Variants in MID2 observed in about 807,000 individuals in gnomAD.
MID2 encodes the protein midline 2.
MID2 carries 13 observed loss-of-function variants against 46.1 expected under a neutral mutation model. The ratio of observed to expected loss-of-function variants is 0.28; its 90% CI spans 0.18 to 0.45. MID2 has a LOEUF of 0.45. MID2 is among the 20% of genes least tolerant of loss of function. The pLI is 1.00. For synonymous variants in MID2, 199 were observed against 212.3 expected, an observed-to-expected ratio of 0.94 and a Z score of 0.55; for missense variants, 431 against 575.4, an observed-to-expected ratio of 0.75 and a Z score of 2.57.
intron 3 of MID2, among the ~76,000 whole-genome samples, chrX:107,856,523 A>G (rs1931740492): frequency 8.9e-6 from 1 of 112,189 alleles, no homozygotes; most frequent in South Asian, 3.8e-4. Flanking sequence ...CATTCACTTT[A>G]GGACCTCTCT....
chrX:107,876,797 CT>C (rs1932211096), intron 3 of MID2, among the ~76,000 whole-genome samples: 1 of 112,162 alleles, frequency 8.9e-6, no homozygotes, highest in Non-Finnish European at 1.9e-5. Flanking sequence ...CTCTATACAA[CT>C]GTCAGGGTCA....
At chrX:107,857,903 A>G (rs968968909) in intron 3 of MID2, among the ~76,000 whole-genome samples, 12 of 111,925 alleles carry the variant, frequency 1.1e-4, no homozygotes, top group African/African-American at 3.9e-4. Flanking sequence ...GATACCAGCT[A>G]AGGCGCTTCT....
intron 8 of MID2, 54 bp from the exon 9 acceptor site, chrX:107,926,040 T>C (rs1334770733): frequency 2.1e-6 from 2 of 967,808 alleles, no homozygotes; most frequent in Admixed American, 2.6e-5. Flanking sequence ...AAAGGTAGAA[T>C]TTTAAGATAC....
In MID2 at chrX:107,928,770, G is replaced by GTAT. The variant is rs776577049; in HGVS notation, c.*1699_*1701dup. On this transcript the variant is annotated 3_prime_UTR_variant, in exon 10 of 10. Transcript: ENST00000262843. ...TATAATCCTCCCCAATAACAGTTAT[G>GTAT]TATTGTTTGTTCACTTAATGTGGAA... 9.8e-5 allele frequency among the ~76,000 whole-genome samples: 11 copies of GTAT among 112,065 alleles called. No individual in the cohort carries two copies. In the South Asian group the frequency reaches 4.1e-3, roughly 42 times the overall value.
At chrX:107,844,931 T>C (rs770647482) in intron 2 of MID2, among the ~76,000 whole-genome samples, 10 of 112,173 alleles carry the variant, frequency 8.9e-5, no homozygotes, top group African/African-American at 2.3e-4. Flanking sequence ...GTATTCTCCT[T>C]AGTTTCTAGT....
chrX:107,923,415 A>T (rs1358707798), intron 7 of MID2, among the ~76,000 whole-genome samples: 2 of 111,948 alleles, frequency 1.8e-5, no homozygotes, highest in Non-Finnish European at 3.8e-5. Flanking sequence ...TCCCCTGTTT[A>T]AGTTAATATT....
intron 1 of MID2, among the ~76,000 whole-genome samples, chrX:107,835,343 A>G (rs759596448): frequency 7.3e-4 from 82 of 112,214 alleles, no homozygotes; most frequent in Non-Finnish European, 1.4e-3. Flanking sequence ...TTGAGTGAAC[A>G]CATTTTCCAT....
At chrX:107,876,004 CA>C (rs1932190454) in intron 3 of MID2, among the ~76,000 whole-genome samples, 1 of 111,977 alleles carries the variant, frequency 8.9e-6, no homozygotes, top group Non-Finnish European at 1.9e-5. Context: ...ACCTGGTGAC[CA>C]GCCTCCCTGG....
intron 3 of MID2, among the ~76,000 whole-genome samples, chrX:107,900,641 A>G (rs1445422007): frequency 3.6e-5 from 4 of 111,661 alleles, no homozygotes; most frequent in Admixed American, 1.9e-4. Flanking sequence ...TTGCCTAAAA[A>G]TAAAGTTCAG....
intron 3 of MID2, among the ~76,000 whole-genome samples, chrX:107,866,781 C>T (rs932611890): frequency 9.8e-5 from 11 of 111,925 alleles, no homozygotes; most frequent in African/African-American, 2.6e-4. Context: ...TGTAGTAGTT[C>T]GGGGGAGAGG....
chrX:107,890,070 C>T (rs1394467661), intron 3 of MID2, among the ~76,000 whole-genome samples: 1 of 111,704 alleles, frequency 9.0e-6, no homozygotes, highest in African/African-American at 3.3e-5. Flanking sequence ...CGAACTTCCT[C>T]CTTTAGCTCG....
At chrX:107,870,587 G>T (rs983826449) in intron 3 of MID2, among the ~76,000 whole-genome samples, 1 of 111,262 alleles carries the variant, frequency 9.0e-6, no homozygotes, top group South Asian at 3.8e-4. Context: ...CATTGCATAT[G>T]ATAGTCCCTT....
chrX:107,897,735 G>A (rs1167921613), intron 3 of MID2, among the ~76,000 whole-genome samples: 5 of 111,275 alleles, frequency 4.5e-5, no homozygotes, highest in Non-Finnish European at 9.4e-5. Flanking sequence ...GAGGAGAGAG[G>A]GAGAAGGATC....
intron 1 of MID2, among the ~76,000 whole-genome samples, chrX:107,837,125 T>C (rs1385575936): frequency 8.9e-6 from 1 of 112,062 alleles, no homozygotes; most frequent in Non-Finnish European, 1.9e-5. Flanking sequence ...ACCCATAGCG[T>C]GCTTTCCCAA....
intron 2 of MID2, among the ~76,000 whole-genome samples, chrX:107,845,252 C>G (rs751765862): frequency 9.0e-5 from 10 of 111,392 alleles, no homozygotes; most frequent in Non-Finnish European, 1.9e-4. Context: ...TTATAATTCT[C>G]TTTGAGAGTG....
At chrX:107,831,508 C>T (rs750084035) in intron 1 of MID2, among the ~76,000 whole-genome samples, 3 of 112,027 alleles carry the variant, frequency 2.7e-5, no homozygotes, top group South Asian at 3.7e-4. Context: ...AAATGGTTTA[C>T]GATCCAGATC....
rs760430576 is a variant in MID2, at chrX:107,928,682, C to T, written c.*1609C>T. Among the ~76,000 whole-genome samples the T allele has an allele frequency of 2.7e-5, 3 of 111,328 alleles. No individual in the cohort carries two copies. The highest frequency in any genetic ancestry group is 1.9e-4 in the Admixed American group (2 of 10,473). On this transcript the variant is annotated 3_prime_UTR_variant, in exon 10 of 10. Transcript: ENST00000262843. ...ACCAAACTACTGCCATGGGAGTGCA[C>T]ATATTAACAAAATGCTCTACCTGCT...
intron 3 of MID2, among the ~76,000 whole-genome samples, chrX:107,856,738 T>C (rs1931745546): frequency 8.9e-6 from 1 of 112,486 alleles, no homozygotes; most frequent in Non-Finnish European, 1.9e-5. Flanking sequence ...TAACAAGCAG[T>C]GTTTTAACAG....
At chrX:107,904,840 G>A (rs1171935733) in intron 4 of MID2, among the ~76,000 whole-genome samples, 1 of 111,368 alleles carries the variant, frequency 9.0e-6, no homozygotes, top group East Asian at 2.8e-4. Context: ...AGTGTTAGTG[G>A]TTATAAGTTC....
Sources: gnomAD v4.1 joint callset for allele counts (sites outside exome capture counted in the v4.1 genomes callset) on GRCh38, gnomAD v4.1.1 for gene constraint, MANE v1.5 for transcripts, NCBI Gene and HGNC (gene_info 2026-07-23, HGNC 2026-07-21) for gene names.